RASAL2: variants seen among roughly 807,000 people sequenced by gnomAD.
RASAL2 encodes ras GTPase-activating protein nGAP.
In RASAL2, 58 loss-of-function variants were observed where a neutral mutation model predicts 128.9. That is an observed-to-expected ratio of 0.45 (90% CI 0.36 to 0.56). The LOEUF (loss-of-function observed/expected upper bound fraction) is 0.56. RASAL2 is among the 20% of genes least tolerant of loss of function. The pLI is 0.00. For missense variants in RASAL2, 1,360 were observed against 1,601.6 expected (o/e 0.85, Z 2.57); for synonymous variants, 561 against 580.8 (o/e 0.97, Z 0.49).
chr1:178,186,298 T>A (rs1662294286), intron 1 of RASAL2, among the ~76,000 whole-genome samples: 1 of 151,984 alleles, frequency 6.6e-6, no homozygotes, highest in Admixed American at 6.6e-5. Flanking sequence ...TAGAGATTTA[T>A]CTATTTTGTT....
chr1:178,353,088 C>T (rs1468379246), intron 3 of RASAL2, among the ~76,000 whole-genome samples: 1 of 152,242 alleles, frequency 6.6e-6, no homozygotes, highest in Admixed American at 6.5e-5. Flanking sequence ...CAGTACTTGG[C>T]ACCTTTTTAC....
chr1:178,458,482 T>C lies in RASAL2; in HGVS notation c.3190T>C (p.Ser1064Pro). 6.2e-7 allele frequency: 1 copy of C among 1,614,100 alleles called. No homozygotes were observed. Among genetic ancestry groups the C allele is most frequent in the Non-Finnish European group, 8.5e-7 (1 of 1,180,012 alleles). Residue 1064 changes from serine to proline, a missense_variant, in exon 14 of 18, where the codon TCT (serine) becomes CCT (proline). Ser to Pro is a moderately conservative substitution (Grantham distance 74). This residue lies in a region of RASAL2 where 741 missense variants were observed against 868.6 expected (regional missense o/e 0.85). Coordinates refer to ENST00000367649, the MANE Select transcript of RASAL2 (RefSeq NM_170692.4). ...QNGSRSRQQS[S>P]SSRESPVPKV... ...TGGGAGCCGGTCCCGGCAGCAGTCC[T>C]CTTCCTCCAGAGAGAGCCCTGTTCC...
chr1:178,380,975 A>G (rs1019870005), intron 3 of RASAL2, among the ~76,000 whole-genome samples: 1 of 152,204 alleles, frequency 6.6e-6, no homozygotes, highest in African/African-American at 2.4e-5. Context: ...GCCTGGTTTT[A>G]TGGAAGTAGA....
intron 1 of RASAL2, among the ~76,000 whole-genome samples, chr1:178,148,240 A>G (rs932636140): frequency 1.3e-5 from 2 of 151,440 alleles, no homozygotes; most frequent in African/African-American, 4.9e-5. Context: ...ATTAAAGAAG[A>G]GATAGAAAAG....
chr1:178,259,664 C>A lies in RASAL2; in HGVS notation c.203-23900C>A, dbSNP rs767450062. ...GAACACAGCTCACTGTAGCCTTGGC[C>A]TCCAGGCCTGCCTTAGCCTCCCCAG... On this transcript the variant is annotated intron_variant, in intron 1 of 17. Transcript: ENST00000367649. 4.2e-4 allele frequency among the ~76,000 whole-genome samples: 64 copies of A among 152,144 alleles called. 1 individual carries two copies. The highest frequency in any genetic ancestry group is 2.8e-4 in the Non-Finnish European group (19 of 68,020).
intron 9 of RASAL2, among the ~76,000 whole-genome samples, chr1:178,448,791 A>G (rs1222909182): frequency 1.3e-5 from 2 of 152,170 alleles, no homozygotes; most frequent in Non-Finnish European, 2.9e-5. Context: ...TTTCTGAATG[A>G]AATAATTTCC....
chr1:178,130,197 GTT>G (rs899149845), intron 1 of RASAL2, among the ~76,000 whole-genome samples: 3 of 152,052 alleles, frequency 2.0e-5, no homozygotes, highest in African/African-American at 7.2e-5. Context: ...TTCCATATCT[GTT>G]TCATTGTCAC....
intron 1 of RASAL2, among the ~76,000 whole-genome samples, chr1:178,268,952 T>G (rs1666114161): frequency 6.6e-6 from 1 of 152,222 alleles, no homozygotes; most frequent in African/African-American, 2.4e-5. Flanking sequence ...TTTTAAATAC[T>G]GTATGCTTTT....
intron 1 of RASAL2, among the ~76,000 whole-genome samples, chr1:178,127,458 A>T (rs1039775980): frequency 5.9e-5 from 9 of 152,166 alleles, no homozygotes; most frequent in Non-Finnish European, 1.2e-4. Context: ...GCCATTTTTC[A>T]TAGTAAGTAA....
Position 178,458,409 on chromosome 1 carries a change from G to A in RASAL2, c.3117G>A (p.Gly1039=), listed in dbSNP as rs144165239. The change falls in exon 14 of 18, where the codon GGG becomes GGA. Residue 1039 remains glycine (G), a synonymous_variant. Coordinates refer to ENST00000367649, the MANE Select transcript of RASAL2 (RefSeq NM_170692.4). ...ACAGTGCTTCTTTACGTAGCACCGG[G>A]AGCATGTCAGTGGTGTCCGCAGCCC... The part of the protein sequence containing the change: ...LPHSASLRST[G]SMSVVSAALV... 1.2e-6 allele frequency: 2 copies of A among 1,614,098 alleles called. No homozygotes were observed. Among genetic ancestry groups the A allele is most frequent in the Non-Finnish European group, 1.7e-6 (2 of 1,180,046 alleles).
intron 1 of RASAL2, among the ~76,000 whole-genome samples, chr1:178,270,619 G>T (rs1237976376): frequency 1.4e-5 from 2 of 139,826 alleles, no homozygotes; most frequent in South Asian, 2.3e-4. Context: ...GCCTTTTTCT[G>T]TGTCTCTCTT....
Position 178,417,243 on chromosome 1 carries a change from C to T in RASAL2, c.565-3268C>T, listed in dbSNP as rs138102574. Among the ~76,000 whole-genome samples the T allele has an allele frequency of 6.8e-4, 103 of 152,180 alleles. No individual in the cohort carries two copies. In the East Asian group the frequency reaches 0.02, roughly 29 times the overall value. On this transcript the variant is annotated intron_variant, in intron 4 of 17. Transcript: ENST00000367649. ...TTGGATGTTTCTATTGATATATCCTCATGCTTAGAGATTCTTTCCTCAGCC... is the reference window on the plus strand; with the variant it reads ...TTGGATGTTTCTATTGATATATCCTTATGCTTAGAGATTCTTTCCTCAGCC...
chr1:178,094,412 C>G lies in RASAL2; in HGVS notation c.-81C>G. 1.5e-6 allele frequency: 2 copies of G among 1,334,792 alleles called. No homozygotes were observed. The highest frequency in any genetic ancestry group is 2.6e-5 in the Admixed American group (1 of 38,078). The allele number at this position is 1,334,792 out of a possible 1,614,324, so 82.7% of individuals were successfully genotyped here. On this transcript the variant is annotated 5_prime_UTR_variant, in exon 1 of 18. Coordinates refer to ENST00000367649, the MANE Select transcript of RASAL2 (RefSeq NM_170692.4). Reference sequence around the variant, plus strand: ...CCCTCGCTGCGCGCTCTCCTCCTCCCCTTACCGCAGGCAGGGCGCGGAGCC... The same window carrying G: ...CCCTCGCTGCGCGCTCTCCTCCTCCGCTTACCGCAGGCAGGGCGCGGAGCC...
chr1:178,420,402 T>C (rs1675066550), intron 4 of RASAL2, 109 bp from the exon 5 acceptor site: 1 of 610,148 alleles, frequency 1.6e-6, no homozygotes, highest in Non-Finnish European at 2.7e-6. Flanking sequence ...AGCTAGTTTC[T>C]ATTTCTGGTC....
At chr1:178,338,876 G>A (rs1465441843) in intron 3 of RASAL2, among the ~76,000 whole-genome samples, 1 of 152,202 alleles carries the variant, frequency 6.6e-6, no homozygotes. Context: ...ATGTCCTTTT[G>A]AAAATTCAGT....
chr1:178,215,556 TTGTC>T (rs1663396688), intron 1 of RASAL2, among the ~76,000 whole-genome samples: 1 of 152,236 alleles, frequency 6.6e-6, no homozygotes, highest in South Asian at 2.1e-4. Context: ...TGAATACACT[TTGTC>T]TGTGTGACTA....
At chr1:178,153,132 A>G (rs1202875747) in intron 1 of RASAL2, among the ~76,000 whole-genome samples, 1 of 152,122 alleles carries the variant, frequency 6.6e-6, no homozygotes, top group African/African-American at 2.4e-5. Flanking sequence ...TGTTTTGTCA[A>G]AGAAACAGGG....
chr1:178,235,781 T>C (rs1024188626), intron 1 of RASAL2, among the ~76,000 whole-genome samples: 4 of 152,186 alleles, frequency 2.6e-5, no homozygotes, highest in Non-Finnish European at 5.9e-5. Flanking sequence ...TCAGTGGTTT[T>C]CTAACCTTTT....
intron 2 of RASAL2, among the ~76,000 whole-genome samples, chr1:178,291,294 G>A (rs1667271761): frequency 6.6e-6 from 1 of 152,220 alleles, no homozygotes; most frequent in African/African-American, 2.4e-5. Flanking sequence ...TGAAGGCTAT[G>A]ATGAGGAATT....
Sources: allele counts gnomAD v4.1 joint callset (sites outside exome capture counted in the v4.1 genomes callset), GRCh38; gene constraint gnomAD v4.1.1; regional missense constraint gnomAD v4.1.1; transcripts MANE v1.5; gene names NCBI Gene and HGNC (gene_info 2026-07-23, HGNC 2026-07-21).